The following GLI4 variants were observed in gnomAD, a reference collection of about 807,000 sequenced individuals.
GLI4 encodes zinc finger protein GLI4.
A neutral mutation model predicts 30.9 loss-of-function variants in GLI4; 34 were observed. The ratio of observed to expected loss-of-function variants is 1.10; its 90% confidence interval spans 0.84 to 1.47. The LOEUF is 1.47. Ranked by LOEUF, GLI4 falls within the 40% of genes most tolerant of loss-of-function variation. The pLI is 0.00. For missense variants in GLI4, 696 were observed against 538.9 expected, an observed-to-expected ratio of 1.29 and a Z score of -2.89; for synonymous variants, 277 against 236.7, an observed-to-expected ratio of 1.17 and a Z score of -1.56.
At chr8:143,269,771 G>C (rs893874831) in intron 2 of GLI4, among the ~76,000 whole-genome samples, 2 of 152,236 alleles carry the variant, frequency 1.3e-5, no homozygotes, top group East Asian at 1.9e-4. Flanking sequence ...TCCCCGCATT[G>C]TTTCTTTCCT....
At chr8:143,269,325 A>G in intron 1 of GLI4, 35 bp from the exon 2 acceptor site, 6 of 1,528,092 alleles carry the variant, frequency 3.9e-6, no homozygotes, top group South Asian at 1.2e-5. Flanking sequence ...ATTCCTCCCA[A>G]TCCCCTCATC....
intron 2 of GLI4, among the ~76,000 whole-genome samples, chr8:143,273,802 A>C (rs2129681808): frequency 6.6e-6 from 1 of 152,160 alleles, no homozygotes; most frequent in Admixed American, 6.5e-5. Context: ...CCTTGAGTAC[A>C]GCCCCCAGCC....
At chr8:143,268,325 C>T (rs1443127813) in intron 1 of GLI4, among the ~76,000 whole-genome samples, 1 of 152,192 alleles carries the variant, frequency 6.6e-6, no homozygotes, top group Non-Finnish European at 1.5e-5. Flanking sequence ...CCTCTTTTCC[C>T]GTTCCTTTCT....
intron 1 of GLI4, among the ~76,000 whole-genome samples, chr8:143,269,074 C>T (rs1815208186): frequency 6.6e-6 from 1 of 152,192 alleles, no homozygotes; most frequent in Non-Finnish European, 1.5e-5. Context: ...AAACTCCTGA[C>T]CTCATGATCT....
Position 143,267,496 on chromosome 8 carries a change from C to T in GLI4, c.-38+12C>T, listed in dbSNP as rs981901121. ...CTCCCGCTCGGAAGGTGAGTGGGCG[C>T]GGGCGGCGGCGGCGGCTCCGGGTGC... is the stretch of plus-strand genomic sequence containing the variant. On this transcript the variant is annotated intron_variant, in intron 1 of 3. Transcript: ENST00000340042. 32 of 986,094 alleles carry T rather than the reference C, an allele frequency of 3.2e-5. No homozygotes were observed. The East Asian group carries it at 2.7e-3, about 84-fold the overall frequency. The allele number at this position is 986,094 out of a possible 1,614,324, so 61.1% of individuals were successfully genotyped here.
chr8:143,276,456 C>T lies in GLI4; in HGVS notation c.783C>T (p.His261=). The stretch of plus-strand genomic sequence containing the variant: ...ACTTCACGCAGCACCTGCGCATCCA[C>T]AACGGCGAGAAGCCCTACAAGTGCG... ...SSHFTQHLRI[H]NGEKPYKCGE... The change falls in exon 4 of 4, where the codon CAC becomes CAT. Residue 261 remains histidine, a synonymous_variant. Coordinates refer to ENST00000340042, the MANE Select transcript of GLI4 (RefSeq NM_138465.4). The T allele has an allele frequency of 6.2e-7, 1 of 1,613,044 alleles. No homozygotes were observed. Among genetic ancestry groups the T allele is most frequent in the South Asian group, 1.1e-5 (1 of 91,048 alleles).
chr8:143,275,723 TG>T (rs1272343794), intron 3 of GLI4, 173 bp from the exon 4 acceptor site: 2 of 1,240,318 alleles, frequency 1.6e-6, no homozygotes, highest in Non-Finnish European at 2.0e-6. Flanking sequence ...TCAGCTCTCC[TG>T]GGCACGGCAC....
At chr8:143,271,907 C>T (rs1475911311) in intron 2 of GLI4, among the ~76,000 whole-genome samples, 3 of 152,222 alleles carry the variant, frequency 2.0e-5, no homozygotes, top group African/African-American at 7.2e-5. Flanking sequence ...GAACAGGCCA[C>T]AGTTCCTCAT....
At position 143,276,654 on chromosome 8, in the gene GLI4, C is replaced by G. The variant is rs767328365; in HGVS notation, c.981C>G (p.Asp327Glu). The G allele has an allele frequency of 1.2e-6, 2 of 1,611,850 alleles. No individual in the cohort carries two copies. Among genetic ancestry groups the G allele is most frequent in the Non-Finnish European group, 8.5e-7 (1 of 1,179,558 alleles). ...HTGEKPYECS[D>E]CGKAFRGRSH... ...GCGAGAAGCCCTACGAGTGCTCCGA[C>G]TGCGGCAAAGCCTTCCGCGGCCGCT... The change falls in exon 4 of 4, where the codon GAC becomes GAG. Residue 327 changes from aspartate (D) to glutamate (E), a missense_variant. Physicochemically the swap from Asp to Glu is conservative, Grantham distance 45. Coordinates refer to ENST00000340042, the MANE Select transcript of GLI4 (RefSeq NM_138465.4).
intron 2 of GLI4, among the ~76,000 whole-genome samples, chr8:143,271,640 C>G (rs1257559526): frequency 1.3e-5 from 2 of 152,164 alleles, no homozygotes; most frequent in East Asian, 3.9e-4. Context: ...TTCCTGGGGC[C>G]CACCCCAGGC....
In GLI4 at chr8:143,276,708, C is replaced by T. The variant is rs372183502; in HGVS notation, c.1035C>T (p.His345=). Residue 345 remains histidine (H), a synonymous_variant, in exon 4 of 4, where the codon CAC becomes CAT. Transcript: ENST00000340042. ...ACTTCTTCCGGCACCTGCGGACCCA[C>T]ACGGGCGAGAAGCCCTTCGCGTGTG... The part of the protein sequence containing the change: ...RSHFFRHLRT[H]TGEKPFACGA... 3.7e-6 allele frequency: 6 copies of T among 1,611,134 alleles called. No homozygotes were observed. The highest frequency in any genetic ancestry group is 5.1e-6 in the Non-Finnish European group (6 of 1,179,306).
At chr8:143,275,634 G>A (rs1815366180) in intron 3 of GLI4, 3 of 1,234,040 alleles carry the variant, frequency 2.4e-6, no homozygotes, top group South Asian at 3.9e-5. Context: ...TCCGTGCACC[G>A]GCACGGCCGC....
intron 2 of GLI4, 67 bp from the exon 3 acceptor site, chr8:143,274,637 C>T (rs547901836): frequency 1.3e-5 from 19 of 1,459,422 alleles, no homozygotes; most frequent in East Asian, 1.3e-4. Context: ...GAGCACGTGG[C>T]GGTCAGAGAG....
At position 143,276,548 on chromosome 8, in the gene GLI4, A is replaced by G; in HGVS notation, c.875A>G (p.Glu292Gly). The change falls in exon 4 of 4, where the codon GAG (glutamate) becomes GGG (glycine). Residue 292 changes from glutamate (E) to glycine (G), a missense_variant. Coordinates refer to ENST00000340042, the MANE Select transcript of GLI4 (RefSeq NM_138465.4). ...LVRHQRLHTG[E>G]KPYACSQCGK... ...CGCCACCAGCGGCTGCACACGGGTG[A>G]GAAGCCCTACGCCTGCAGCCAGTGC... The G allele has an allele frequency of 6.2e-7, 1 of 1,612,504 alleles. No individual in the cohort carries two copies. Among genetic ancestry groups the G allele is most frequent in the African/African-American group, 1.3e-5 (1 of 74,922 alleles).
intron 2 of GLI4, 64 bp downstream of exon 2, chr8:143,269,584 G>A: frequency 2.2e-6 from 3 of 1,378,456 alleles, no homozygotes; most frequent in South Asian, 1.2e-5. Context: ...CCCCTGCCCT[G>A]TCTCCTCCTG....
At chr8:143,268,789 G>T (rs1013716714) in intron 1 of GLI4, among the ~76,000 whole-genome samples, 3 of 148,388 alleles carry the variant, frequency 2.0e-5, no homozygotes, top group Non-Finnish European at 4.5e-5. Flanking sequence ...CTGCTGTGCC[G>T]CCCAGGCGGT....
In GLI4 at chr8:143,275,601, A is replaced by G. The variant is rs1054102329; in HGVS notation, c.224-296A>G. 1.7e-5 allele frequency: 21 copies of G among 1,243,362 alleles called. No homozygotes were observed. In the African/African-American group the frequency reaches 3.1e-4, roughly 18 times the overall value. 77.0% of individuals were successfully genotyped at this position (1,243,362 alleles called of 1,614,324 possible). A position where few individuals can be genotyped will look rare whatever the true frequency, so the allele number is the denominator to read the frequency against. ...CTTCCTCCTGGCTAAGGGTGACCCC[A>G]TGGTCTGTCTTGCCACTGTGGCTCC... On this transcript the variant is annotated intron_variant, in intron 3 of 3. Coordinates refer to ENST00000340042, the MANE Select transcript of GLI4 (RefSeq NM_138465.4).
Position 143,276,408 on chromosome 8 carries a change from C to T in GLI4, c.735C>T (p.Gly245=). Residue 245 remains glycine (G), a synonymous_variant, in exon 4 of 4, where the codon GGC becomes GGT. Transcript: ENST00000340042. ...AGCCCTACGAGTGCGGCCAGTGCGG[C>T]CGCGCCTTCAGCCACAGCTCGCACT... ...GEKPYECGQC[G]RAFSHSSHFT... The T allele has an allele frequency of 6.2e-7, 1 of 1,612,722 alleles. No homozygotes were observed. Among genetic ancestry groups the T allele is most frequent in the Non-Finnish European group, 8.5e-7 (1 of 1,179,772 alleles).
intron 2 of GLI4, 184 bp from the exon 3 acceptor site, chr8:143,274,520 C>T (rs924039344): frequency 8.5e-6 from 4 of 469,884 alleles, no homozygotes; most frequent in Non-Finnish European, 1.4e-5. Flanking sequence ...TTGAACCGAG[C>T]TGGGAAGGAA....
Sources: allele counts gnomAD v4.1 joint callset (sites outside exome capture counted in the v4.1 genomes callset), GRCh38; gene constraint gnomAD v4.1.1; transcripts MANE v1.5; gene names NCBI Gene and HGNC (gene_info 2026-07-23, HGNC 2026-07-21).